PCDH15: variants seen among roughly 807,000 people sequenced by gnomAD.
The protein encoded by PCDH15 is protocadherin related 15, also known as protocadherin-15.
PCDH15 carries 129 observed loss-of-function variants against 178.5 expected under a neutral mutation model. The ratio of observed to expected loss-of-function variants is 0.72; its 90% CI spans 0.63 to 0.84. The LOEUF is 0.84. Among genes scored for constraint, PCDH15 ranks in the 40% least tolerant of loss-of-function variants. The pLI is 0.00. For missense variants in PCDH15, 2,230 were observed against 2,099.9 expected (o/e 1.06, Z -1.21); for synonymous variants, 800 against 732.0 (o/e 1.09, Z -1.50).
chr10:55,169,128 C>T (rs549815313), intron 1 of PCDH15, among the ~76,000 whole-genome samples: 35 of 152,158 alleles, frequency 2.3e-4, no homozygotes, highest in Admixed American at 7.9e-4. Flanking sequence ...TTTAACCGCT[C>T]TTAACTACTT....
rs573017263 is a variant in PCDH15 at position 54,587,334 on chromosome 10, C to T, written c.92-59457G>A. ...GATAAAAGTACAACATAAAGTAAAA[C>T]GTTGAGTCCAGTGAAAATGGAGCTA... is the stretch of plus-strand genomic sequence containing the variant. On this transcript the variant is annotated intron_variant, in intron 2 of 37. Transcript: ENST00000644397. 9.2e-5 allele frequency among the ~76,000 whole-genome samples: 14 copies of T among 152,058 alleles called. No homozygotes were observed. The South Asian group carries it at 2.9e-3, about 32-fold the overall frequency.
At position 55,613,968 on chromosome 10, in the gene PCDH15, G is replaced by T. The variant is rs1325144028; in HGVS notation, c.-156+13657C>A. On this transcript the variant is annotated intron_variant, in intron 2 of 5. Transcript: ENST00000613346. ...CTAAAAAATACAAAAACAAAAATTA[G>T]CCGGGCATGGTGGTGGGTGCCTGTA... Among the ~76,000 whole-genome samples the T allele has an allele frequency of 2.0e-5, 3 of 152,062 alleles. No homozygotes were observed. The East Asian group carries it at 5.8e-4, about 30-fold the overall frequency.
intron 1 of PCDH15, among the ~76,000 whole-genome samples, chr10:54,741,729 T>C (rs1279392298): frequency 1.3e-5 from 2 of 151,964 alleles, no homozygotes; most frequent in African/African-American, 2.4e-5. Flanking sequence ...ATGGCCCCCT[T>C]CTATCTTTAA....
chr10:55,208,184 A>T (rs1399309471), intron 1 of PCDH15, among the ~76,000 whole-genome samples: 2 of 152,134 alleles, frequency 1.3e-5, no homozygotes, highest in East Asian at 3.9e-4. Context: ...ATCTTTGCAG[A>T]TGTATTTATC....
intron 14 of PCDH15, among the ~76,000 whole-genome samples, chr10:54,150,195 G>A (rs2044382585): frequency 6.6e-6 from 1 of 151,982 alleles, no homozygotes; most frequent in Admixed American, 6.6e-5. Flanking sequence ...CAGCAAGGAG[G>A]GGTAATGGGC....
rs74609306 is a variant in PCDH15 at position 53,806,678 on chromosome 10, C to T, written c.5124G>A (p.Lys1708=). The T allele has an allele frequency of 0.028, 45,179 of 1,613,826 alleles. 740 individuals are homozygous for T. The highest frequency in any genetic ancestry group is 0.034 in the Non-Finnish European group (40,268 of 1,179,786). Residue 1708 remains lysine, a synonymous_variant, in exon 38 of 38, where the codon AAG becomes AAA. Transcript: ENST00000644397. ...QESMIDSKNI[K]EALEFHSDHT... is the part of the protein sequence containing the mutation. ...GGTCACTATGAAATTCCAAAGCCTCCTTGATGTTCTTACTGTCAATCATGG... is the reference window on the plus strand; with the variant it reads ...GGTCACTATGAAATTCCAAAGCCTCTTTGATGTTCTTACTGTCAATCATGG...
intron 3 of PCDH15, among the ~76,000 whole-genome samples, chr10:54,488,511 G>A (rs1402466204): frequency 2.0e-5 from 3 of 151,778 alleles, no homozygotes; most frequent in Non-Finnish European, 4.4e-5. Flanking sequence ...TAGCATAGCT[G>A]TAGTGTTAGA....
At chr10:55,494,162 AT>A (rs1460238980) in intron 2 of PCDH15, among the ~76,000 whole-genome samples, 2 of 151,768 alleles carry the variant, frequency 1.3e-5, no homozygotes, top group Non-Finnish European at 2.9e-5. Context: ...TCCAGTCTTC[AT>A]TTTCTTGTCA....
At chr10:54,004,432 A>ACACACACAC in intron 20 of PCDH15, among the ~76,000 whole-genome samples, 3 of 126,214 alleles carry the variant, frequency 2.4e-5, no homozygotes, top group African/African-American at 7.5e-5. Context: ...CACACCACAC[A>ACACACACAC]AAGTATTAGA....
chr10:54,800,437 A>G (rs1432202501), intron 1 of PCDH15, among the ~76,000 whole-genome samples: 1 of 152,186 alleles, frequency 6.6e-6, no homozygotes, highest in Non-Finnish European at 1.5e-5. Context: ...GACAAAAAAT[A>G]CTGTTCATTG....
intron 2 of PCDH15, among the ~76,000 whole-genome samples, chr10:54,609,727 A>G (rs564456853): frequency 2.6e-5 from 4 of 152,008 alleles, no homozygotes; most frequent in Non-Finnish European, 5.9e-5. Context: ...GGTGTAAAGC[A>G]ATGTTTTCTT....
At chr10:54,551,971 T>C (rs1417536956) in intron 2 of PCDH15, among the ~76,000 whole-genome samples, 1 of 152,114 alleles carries the variant, frequency 6.6e-6, no homozygotes, top group Admixed American at 6.6e-5. Context: ...CTAATATAAT[T>C]TGAATGAACA....
intron 3 of PCDH15, among the ~76,000 whole-genome samples, chr10:54,885,671 T>C (rs1400761609): frequency 6.6e-6 from 1 of 152,076 alleles, no homozygotes; most frequent in Non-Finnish European, 1.5e-5. Flanking sequence ...AATATGTTCA[T>C]ATTTGGGTAA....
intron 1 of PCDH15, among the ~76,000 whole-genome samples, chr10:54,779,901 T>A (rs915466838): frequency 6.6e-6 from 1 of 152,074 alleles, no homozygotes; most frequent in South Asian, 2.1e-4. Context: ...CCAGAAAAGA[T>A]CCTTTTATGA....
At position 54,441,432 on chromosome 10, in the gene PCDH15, C is replaced by T. The variant is rs150564997; in HGVS notation, c.158-62490G>A. 4.3e-3 allele frequency among the ~76,000 whole-genome samples: 660 copies of T among 151,972 alleles called. 8 individuals are homozygous for T. The highest frequency in any genetic ancestry group is 0.015 in the African/African-American group (611 of 41,508). On this transcript the variant is annotated intron_variant, in intron 3 of 37. Coordinates refer to ENST00000644397, the MANE Select transcript of PCDH15 (RefSeq NM_001384140.1). ...TCCATGAGTCAGCTCTTCTGACCCT[C>T]TGGCCAGTGTTCTGGAGTTACTGAT...
At chr10:54,043,245 C>G (rs771427172) in intron 18 of PCDH15, among the ~76,000 whole-genome samples, 10 of 152,028 alleles carry the variant, frequency 6.6e-5, no homozygotes, top group Non-Finnish European at 1.2e-4. Context: ...AGCTCAGAAC[C>G]AGCAATATCA....
intron 2 of PCDH15, among the ~76,000 whole-genome samples, chr10:54,613,014 A>T (rs2093012423): frequency 6.6e-6 from 1 of 151,798 alleles, no homozygotes; most frequent in Non-Finnish European, 1.5e-5. Flanking sequence ...TTACATTTTA[A>T]CTTCAGTAGA....
intron 3 of PCDH15, among the ~76,000 whole-genome samples, chr10:54,494,362 A>T (rs1278022349): frequency 6.6e-6 from 1 of 152,122 alleles, no homozygotes; most frequent in African/African-American, 2.4e-5. Flanking sequence ...TATCTATGAA[A>T]AGATCAGACA....
At chr10:55,194,445 G>C (rs1840027805) in intron 1 of PCDH15, among the ~76,000 whole-genome samples, 1 of 151,958 alleles carries the variant, frequency 6.6e-6, no homozygotes, top group Admixed American at 6.6e-5. Context: ...TAGAGATAAA[G>C]AAACAGAGGC....
Sources: allele counts gnomAD v4.1 joint callset (sites outside exome capture counted in the v4.1 genomes callset), GRCh38; gene constraint gnomAD v4.1.1; transcripts MANE v1.5; gene names NCBI Gene and HGNC (gene_info 2026-07-23, HGNC 2026-07-21).